The following KANK1 variants were observed in gnomAD, a reference collection of about 807,000 sequenced individuals.
KANK1 encodes the protein KN motif and ankyrin repeat domains 1, also known as KN motif and ankyrin repeat domain-containing protein 1.
Under a neutral mutation model 106.2 loss-of-function variants are expected in KANK1, and 109 were observed. That is an observed-to-expected ratio of 1.03 (90% CI 0.88 to 1.20). The LOEUF (loss-of-function observed/expected upper bound fraction) is 1.20. Among genes scored for constraint, KANK1 ranks in the 50% most tolerant of loss-of-function variants. KANK1 has a pLI of 0.00. For missense variants in KANK1, 2,399 were observed against 1,710.7 expected, an observed-to-expected ratio of 1.40 and a Z score of -7.10; for synonymous variants, 873 against 652.2, an observed-to-expected ratio of 1.34 and a Z score of -5.16.
At chr9:517,389 A>C (rs978241637) in intron 1 of KANK1, among the ~76,000 whole-genome samples, 1 of 151,840 alleles carries the variant, frequency 6.6e-6, no homozygotes, top group Admixed American at 6.5e-5. Flanking sequence ...GGCGTGAGCC[A>C]CTGCGGCCCG....
intron 6 of KANK1, chr9:733,428 T>C (rs543218490): frequency 5.3e-5 from 8 of 152,256 alleles, no homozygotes; most frequent in Non-Finnish European, 1.0e-4. Flanking sequence ...TGAGATGTAA[T>C]TTATATACCA....
At chr9:684,330 G>A (rs1818135154) in intron 2 of KANK1, 1 of 985,340 alleles carries the variant, frequency 1.0e-6, no homozygotes, top group East Asian at 1.1e-4. Context: ...CCTGCTCCTG[G>A]GTACTGGGCA....
chr9:674,926 A>G (rs1262235387), intron 1 of KANK1, among the ~76,000 whole-genome samples: 3 of 152,028 alleles, frequency 2.0e-5, no homozygotes, highest in African/African-American at 7.3e-5. Context: ...GCTGGTCTCA[A>G]ACTCCTGACC....
At chr9:621,766 T>G (rs1388124273) in intron 1 of KANK1, among the ~76,000 whole-genome samples, 1 of 152,090 alleles carries the variant, frequency 6.6e-6, no homozygotes, top group Non-Finnish European at 1.5e-5. Flanking sequence ...TTTCCAGCCC[T>G]GCTTACTCAC....
At chr9:553,843 A>C (rs2061419533) in intron 1 of KANK1, among the ~76,000 whole-genome samples, 1 of 152,238 alleles carries the variant, frequency 6.6e-6, no homozygotes, top group Non-Finnish European at 1.5e-5. Context: ...TTTAATGGAA[A>C]TTAAACCCAA....
At chr9:588,507 G>A (rs1824058670) in intron 1 of KANK1, among the ~76,000 whole-genome samples, 1 of 151,890 alleles carries the variant, frequency 6.6e-6, no homozygotes, top group Non-Finnish European at 1.5e-5. Flanking sequence ...GGCCACACCA[G>A]TTTATAATCT....
chr9:654,423 A>G lies in KANK1; in HGVS notation c.-83-22467A>G, dbSNP rs1198816744. Among the ~76,000 whole-genome samples the G allele has an allele frequency of 2.0e-5, 3 of 152,320 alleles. No individual in the cohort carries two copies. The South Asian group carries it at 6.2e-4, about 32-fold the overall frequency. ...TCAAAATCTCTGGGAGAATCTTGGA[A>G]TAGTATATTACCAGATCTGGAGGAA... On this transcript the variant is annotated intron_variant, in intron 1 of 11. Transcript: ENST00000382297.
At chr9:569,052 C>T (rs1043462179) in intron 1 of KANK1, among the ~76,000 whole-genome samples, 77 of 152,122 alleles carry the variant, frequency 5.1e-4, no homozygotes, top group African/African-American at 1.8e-3. Context: ...GGGACCAGCT[C>T]CACTGTGGGG....
intron 1 of KANK1, among the ~76,000 whole-genome samples, chr9:518,036 C>A (rs2059369750): frequency 6.6e-6 from 1 of 151,656 alleles, no homozygotes; most frequent in Non-Finnish European, 1.5e-5. Flanking sequence ...CCTTGCCCGG[C>A]CAACCTTGAG....
At chr9:589,742 G>A (rs1824378235) in intron 1 of KANK1, among the ~76,000 whole-genome samples, 2 of 152,184 alleles carry the variant, frequency 1.3e-5, no homozygotes, top group Admixed American at 6.5e-5. Flanking sequence ...AATGAAGAAA[G>A]AAGGAAGTAT....
At chr9:722,725 T>G (rs1281261560) in intron 3 of KANK1, among the ~76,000 whole-genome samples, 2 of 152,182 alleles carry the variant, frequency 1.3e-5, no homozygotes, top group African/African-American at 2.4e-5. Context: ...AGTTTGGAAT[T>G]TAATGAGGTT....
At position 544,087 on chromosome 9, in the gene KANK1, C is replaced by T. The variant is rs145544333; in HGVS notation, c.-84+39333C>T. Among the ~76,000 whole-genome samples, 500 of 152,058 alleles carry T rather than the reference C, an allele frequency of 3.3e-3. 1 individual carries two copies. The highest frequency in any genetic ancestry group is 0.011 in the African/African-American group (471 of 41,462). ...CCAGGCTGGAGTGCAGTGGCATGAC[C>T]ATGGCTCACTGCAACCTCCATCTCC... On this transcript the variant is annotated intron_variant, in intron 1 of 11. Transcript: ENST00000382297.
rs990059125 is a variant in KANK1, at chr9:520,734, A to G, written c.-84+15980A>G. On this transcript the variant is annotated intron_variant, in intron 1 of 11. Coordinates refer to ENST00000382297, the MANE Select transcript of KANK1 (RefSeq NM_015158.5). ...TGCCTAGATATGGAAAACAGGGTCT[A>G]GTTTTTGGACAGGACTGATTAATCT... is the stretch of plus-strand genomic sequence containing the variant. Among the ~76,000 whole-genome samples the G allele has an allele frequency of 3.0e-4, 45 of 151,788 alleles. 1 individual carries two copies. Among genetic ancestry groups the G allele is most frequent in the African/African-American group, 1.1e-3 (44 of 41,082 alleles).
chr9:642,415 T>C (rs1838676329), intron 1 of KANK1, among the ~76,000 whole-genome samples: 1 of 151,010 alleles, frequency 6.6e-6, no homozygotes, highest in South Asian at 2.1e-4. Context: ...CTAAATTGAC[T>C]TACACTTGAA....
At chr9:652,423 T>C (rs978256418) in intron 1 of KANK1, among the ~76,000 whole-genome samples, 1 of 152,214 alleles carries the variant, frequency 6.6e-6, no homozygotes, top group Non-Finnish European at 1.5e-5. Flanking sequence ...CTCAGGAGGC[T>C]GAGGCAAGAG....
chr9:708,497 G>A (rs2130785575), intron 2 of KANK1, among the ~76,000 whole-genome samples: 1 of 152,304 alleles, frequency 6.6e-6, no homozygotes, highest in Admixed American at 6.5e-5. Context: ...TGTTAGAATC[G>A]AACAGCTAGA....
chr9:587,071 G>C (rs1367936272), intron 1 of KANK1, among the ~76,000 whole-genome samples: 1 of 152,136 alleles, frequency 6.6e-6, no homozygotes. Flanking sequence ...TTCATCTTTT[G>C]ATCACACTAG....
At chr9:599,805 G>C (rs1827258701) in intron 1 of KANK1, among the ~76,000 whole-genome samples, 1 of 151,854 alleles carries the variant, frequency 6.6e-6, no homozygotes, top group South Asian at 2.1e-4. Flanking sequence ...ACTTCAGTAT[G>C]TGAGGATTTG....
At chr9:635,249 C>G (rs574350049) in intron 1 of KANK1, among the ~76,000 whole-genome samples, 1 of 152,260 alleles carries the variant, frequency 6.6e-6, no homozygotes, top group African/African-American at 2.4e-5. Flanking sequence ...CTCTGCCCCT[C>G]TAGATTTTAG....
Sources: allele counts gnomAD v4.1 joint callset (sites outside exome capture counted in the v4.1 genomes callset), GRCh38; gene constraint gnomAD v4.1.1; transcripts MANE v1.5; gene names NCBI Gene and HGNC (gene_info 2026-07-23, HGNC 2026-07-21).